Variants in PARD3 observed in about 807,000 individuals in gnomAD.
The protein encoded by PARD3 is partitioning defective 3 homolog.
In PARD3, 75 loss-of-function variants were observed where a neutral mutation model predicts 155.4. The observed-to-expected ratio is 0.48, with a 90% CI of 0.40 to 0.58. The LOEUF is 0.58. PARD3 is among the 20% of genes least tolerant of loss of function. The pLI is 0.00. For missense variants in PARD3, 1,642 were observed against 1,721.7 expected (o/e 0.95, Z 0.82); for synonymous variants, 576 against 610.5 (o/e 0.94, Z 0.83).
intron 1 of PARD3, among the ~76,000 whole-genome samples, chr10:34,744,576 T>G (rs890371594): frequency 2.6e-5 from 4 of 152,242 alleles, no homozygotes; most frequent in African/African-American, 9.6e-5. Flanking sequence ...TCTCTTGATT[T>G]AACTTCCAAA....
intron 2 of PARD3, among the ~76,000 whole-genome samples, chr10:34,600,284 G>T (rs541911615): frequency 6.6e-6 from 1 of 152,212 alleles, no homozygotes; most frequent in East Asian, 1.9e-4. Flanking sequence ...GATGGTGGTT[G>T]CAGTGAGCCA....
intron 2 of PARD3, among the ~76,000 whole-genome samples, chr10:34,588,556 C>T (rs1477109387): frequency 1.3e-5 from 2 of 152,176 alleles, no homozygotes; most frequent in African/African-American, 2.4e-5. Flanking sequence ...TATTACCATA[C>T]CTGTGACCTC....
chr10:34,784,479 G>A (rs904292895), intron 1 of PARD3, among the ~76,000 whole-genome samples: 25 of 150,054 alleles, frequency 1.7e-4, no homozygotes, highest in Non-Finnish European at 3.2e-4. Flanking sequence ...TCACTCTGTC[G>A]CCCAGGCTGG....
At chr10:34,155,410 G>A (rs1165475588) in intron 22 of PARD3, among the ~76,000 whole-genome samples, 1 of 152,170 alleles carries the variant, frequency 6.6e-6, no homozygotes, top group Non-Finnish European at 1.5e-5. Flanking sequence ...GCAAATGAAA[G>A]ATAACATTTT....
intron 12 of PARD3, among the ~76,000 whole-genome samples, chr10:34,370,958 A>G (rs1840538205): frequency 6.6e-6 from 1 of 152,096 alleles, no homozygotes; most frequent in Non-Finnish European, 1.5e-5. Flanking sequence ...AACACTACGT[A>G]AACTATCCTT....
At chr10:34,560,125 G>T (rs2085344495) in intron 2 of PARD3, among the ~76,000 whole-genome samples, 1 of 152,160 alleles carries the variant, frequency 6.6e-6, no homozygotes, top group Non-Finnish European at 1.5e-5. Flanking sequence ...CGAGGAAATA[G>T]AAATTATTTC....
intron 2 of PARD3, among the ~76,000 whole-genome samples, chr10:34,567,461 A>C (rs1182405489): frequency 6.6e-6 from 1 of 152,228 alleles, no homozygotes; most frequent in African/African-American, 2.4e-5. Flanking sequence ...TTAAACCGCC[A>C]AGTCATTTCT....
intron 2 of PARD3, among the ~76,000 whole-genome samples, chr10:34,544,670 C>T (rs1332458992): frequency 6.6e-6 from 1 of 152,088 alleles, no homozygotes; most frequent in African/African-American, 2.4e-5. Flanking sequence ...ATCTGTAATA[C>T]CAACTCAAGT....
intron 2 of PARD3, among the ~76,000 whole-genome samples, chr10:34,691,180 A>G (rs984630148): frequency 2.0e-5 from 3 of 152,236 alleles, no homozygotes; most frequent in Non-Finnish European, 4.4e-5. Flanking sequence ...ATATGGTTCT[A>G]TACCTAGAAA....
chr10:34,337,428 T>C lies in PARD3; in HGVS notation c.2409-2A>G. ...GGATCAACATCTGGACTCAAAGAGC[T>C]GGAGTGAAGAAAAAATAAAAATAAA... On this transcript the variant is annotated splice_acceptor_variant, in intron 16 of 24. Coordinates refer to ENST00000374788, the MANE Select transcript of PARD3 (RefSeq NM_001184785.2). LOFTEE classifies it high-confidence loss of function. 2 of 1,543,068 alleles carry C rather than the reference T, an allele frequency of 1.3e-6. No individual in the cohort carries two copies. Among genetic ancestry groups the C allele is most frequent in the Admixed American group, 2.3e-5 (1 of 44,000 alleles).
At chr10:34,441,016 A>G (rs1235916133) in intron 5 of PARD3, among the ~76,000 whole-genome samples, 1 of 152,198 alleles carries the variant, frequency 6.6e-6, no homozygotes, top group Non-Finnish European at 1.5e-5. Flanking sequence ...GTTCTTCAGA[A>G]AAGAACCAGA....
At chr10:34,260,060 G>C (rs1168876523) in intron 22 of PARD3, among the ~76,000 whole-genome samples, 1 of 152,012 alleles carries the variant, frequency 6.6e-6, no homozygotes, top group Non-Finnish European at 1.5e-5. Context: ...GGCTGATTTC[G>C]AACTCCTGGG....
chr10:34,485,098 G>T (rs1331751341), intron 3 of PARD3, among the ~76,000 whole-genome samples: 1 of 152,172 alleles, frequency 6.6e-6, no homozygotes, highest in African/African-American at 2.4e-5. Flanking sequence ...AACACTTTGG[G>T]AGGCCAAGGC....
intron 1 of PARD3, among the ~76,000 whole-genome samples, chr10:34,709,911 A>G (rs1007575385): frequency 4.6e-5 from 7 of 152,216 alleles, no homozygotes; most frequent in African/African-American, 1.7e-4. Flanking sequence ...TTAATTTTAA[A>G]CAAATTTAAT....
intron 2 of PARD3, among the ~76,000 whole-genome samples, chr10:34,576,272 T>C (rs753788663): frequency 2.0e-5 from 3 of 152,246 alleles, no homozygotes; most frequent in Non-Finnish European, 4.4e-5. Context: ...CGCTTGCCTC[T>C]GGCCTCTCTT....
chr10:34,557,728 G>C (rs1033120248), intron 2 of PARD3, among the ~76,000 whole-genome samples: 2 of 151,958 alleles, frequency 1.3e-5, no homozygotes, highest in Non-Finnish European at 1.5e-5. Context: ...AAAGTGCTGG[G>C]ATTACAGGCA....
intron 13 of PARD3, 23 bp from the exon 14 acceptor site, chr10:34,359,340 T>C: frequency 6.3e-7 from 1 of 1,583,678 alleles, no homozygotes; most frequent in African/African-American, 1.4e-5. Context: ...CAGGTAAAAA[T>C]AAGTGCTATT....
At chr10:34,715,076 CTTTTTTTTT>C in intron 1 of PARD3, among the ~76,000 whole-genome samples, 1 of 136,754 alleles carries the variant, frequency 7.3e-6, no homozygotes, top group African/African-American at 2.7e-5. Context: ...CTAGCCTAAC[CTTTTTTTTT>C]TTTTTTTTAA....
intron 6 of PARD3, among the ~76,000 whole-genome samples, chr10:34,401,482 G>A (rs1030357895): frequency 6.6e-6 from 1 of 152,042 alleles, no homozygotes; most frequent in Non-Finnish European, 1.5e-5. Context: ...ACAAACACAT[G>A]ATCAAAATAT....
Sources: allele counts gnomAD v4.1 joint callset (sites outside exome capture counted in the v4.1 genomes callset), GRCh38; gene constraint gnomAD v4.1.1; transcripts MANE v1.5; gene names NCBI Gene and HGNC (gene_info 2026-07-23, HGNC 2026-07-21).